The following SPAG16 variants were observed in gnomAD, a reference collection of about 807,000 sequenced individuals.
SPAG16 encodes the protein sperm associated antigen 16.
SPAG16 carries 86 observed loss-of-function variants against 80.4 expected under a neutral mutation model. The observed-to-expected ratio is 1.07, with a 90% CI of 0.90 to 1.28. The LOEUF (loss-of-function observed/expected upper bound fraction) is 1.28, where lower values mean the gene tolerates loss of function less well. Ranked by LOEUF, SPAG16 falls within the 50% of genes most tolerant of loss-of-function variation. The pLI, the probability that SPAG16 is intolerant of heterozygous loss-of-function variation, is 0.00. For synonymous variants in SPAG16, 294 were observed against 265.9 expected, an observed-to-expected ratio of 1.11 and a Z score of -1.03; for missense variants, 870 against 765.3, an observed-to-expected ratio of 1.14 and a Z score of -1.61.
chr2:213,852,329 A>G (rs952692141), intron 10 of SPAG16, among the ~76,000 whole-genome samples: 13 of 152,198 alleles, frequency 8.5e-5, no homozygotes, highest in African/African-American at 3.1e-4. Flanking sequence ...CAGAGCAGCT[A>G]CAGATATCTT....
At chr2:213,431,898 GT>G (rs111812933) in intron 9 of SPAG16, among the ~76,000 whole-genome samples, 3,538 of 152,096 alleles carry the variant, frequency 0.023, 56 homozygotes, top group South Asian at 0.038. Flanking sequence ...TTTATCAAGT[GT>G]CTTCTCTAAC....
At chr2:214,403,914 G>T (rs925232435) in intron 15 of SPAG16, among the ~76,000 whole-genome samples, 6 of 152,158 alleles carry the variant, frequency 3.9e-5, no homozygotes, top group African/African-American at 1.4e-4. Flanking sequence ...GGCAGATCTT[G>T]TACTAGGAAT....
chr2:213,353,969 C>T (rs912943021), intron 7 of SPAG16, among the ~76,000 whole-genome samples: 3 of 152,100 alleles, frequency 2.0e-5, no homozygotes, highest in Non-Finnish European at 4.4e-5. Flanking sequence ...TTTACAAGTG[C>T]CATGTTGGTT....
At chr2:213,346,891 G>C (rs572921323) in intron 6 of SPAG16, among the ~76,000 whole-genome samples, 55 of 152,126 alleles carry the variant, frequency 3.6e-4, no homozygotes, top group African/African-American at 1.2e-3. Flanking sequence ...GGATGATGCT[G>C]GCCTCATAAA....
intron 14 of SPAG16, among the ~76,000 whole-genome samples, chr2:214,123,659 A>C (rs921922101): frequency 1.3e-5 from 2 of 152,074 alleles, no homozygotes; most frequent in Non-Finnish European, 2.9e-5. Flanking sequence ...AGTGCTACCT[A>C]TCAAGAATCA....
chr2:213,892,013 G>A (rs1226205249), intron 11 of SPAG16, among the ~76,000 whole-genome samples: 1 of 152,172 alleles, frequency 6.6e-6, no homozygotes, highest in East Asian at 1.9e-4. Context: ...GACAAAGGAT[G>A]GAGGTAGAAT....
At chr2:214,272,669 A>G (rs1175682905) in intron 15 of SPAG16, among the ~76,000 whole-genome samples, 1 of 152,046 alleles carries the variant, frequency 6.6e-6, no homozygotes, top group African/African-American at 2.4e-5. Context: ...TATGTGCCAC[A>G]TTTTCTTAAT....
At chr2:213,492,663 T>G (rs2074312635) in intron 10 of SPAG16, among the ~76,000 whole-genome samples, 1 of 150,240 alleles carries the variant, frequency 6.7e-6, no homozygotes, top group Admixed American at 6.7e-5. Context: ...ATTATATACT[T>G]TTTTAAGGAA....
At chr2:213,734,436 T>C (rs1211497902) in intron 10 of SPAG16, among the ~76,000 whole-genome samples, 1 of 152,208 alleles carries the variant, frequency 6.6e-6, no homozygotes, top group Non-Finnish European at 1.5e-5. Flanking sequence ...GAGCAAAGAT[T>C]AAGTATTTTT....
At chr2:213,948,607 C>T (rs901510623) in intron 12 of SPAG16, among the ~76,000 whole-genome samples, 2 of 152,120 alleles carry the variant, frequency 1.3e-5, no homozygotes, top group South Asian at 2.1e-4. Context: ...TGTTCTATGT[C>T]ATTAAGCATT....
At chr2:214,060,768 GGA>G (rs2050220724) in intron 13 of SPAG16, among the ~76,000 whole-genome samples, 1 of 151,832 alleles carries the variant, frequency 6.6e-6, no homozygotes, top group African/African-American at 2.4e-5. Context: ...ACAGAGAGTT[GGA>G]ATGCTACAAC....
chr2:213,428,064 T>G (rs1193397321), intron 9 of SPAG16, among the ~76,000 whole-genome samples: 1 of 152,126 alleles, frequency 6.6e-6, no homozygotes, highest in Non-Finnish European at 1.5e-5. Flanking sequence ...CCTCACCAAC[T>G]CTGAAGAAGC....
chr2:213,297,068 C>T lies in SPAG16; in HGVS notation c.184-194C>T, dbSNP rs920563430. ...CTAATCCTGAATTTATTAGAAGTGA[C>T]GTTTATTGACATTTACAAGGAAGTC... On this transcript the variant is annotated intron_variant, in intron 2 of 15. Coordinates refer to ENST00000331683, the MANE Select transcript of SPAG16 (RefSeq NM_024532.5). 33 of 1,420,996 alleles carry T rather than the reference C, an allele frequency of 2.3e-5. No homozygotes were observed. The Middle Eastern group carries it at 9.2e-4, about 40-fold the overall frequency. 88.0% of individuals were successfully genotyped at this position (1,420,996 alleles called of 1,614,324 possible).
At position 214,060,150 on chromosome 2, in the gene SPAG16, T is replaced by G. The variant is rs984729713; in HGVS notation, c.1527+46073T>G. Reference sequence around the variant, plus strand: ...CATCAGGGAGATTTGTAGATTTCAGTTGATTCTCCTTAGGAAAAAAATTTT... The same window carrying G: ...CATCAGGGAGATTTGTAGATTTCAGGTGATTCTCCTTAGGAAAAAAATTTT... On this transcript the variant is annotated intron_variant, in intron 13 of 15. Transcript: ENST00000331683. Among the ~76,000 whole-genome samples, 8 of 152,234 alleles carry G rather than the reference T, an allele frequency of 5.3e-5. No individual in the cohort carries two copies. The South Asian group carries it at 1.7e-3, about 32-fold the overall frequency.
intron 6 of SPAG16, among the ~76,000 whole-genome samples, chr2:213,342,946 A>G (rs556151224): frequency 6.6e-6 from 1 of 152,114 alleles, no homozygotes; most frequent in East Asian, 1.9e-4. Context: ...GGTGGCTTTC[A>G]GAGCTGAGGA....
At chr2:213,999,773 C>T (rs1047921836) in intron 12 of SPAG16, among the ~76,000 whole-genome samples, 2 of 152,296 alleles carry the variant, frequency 1.3e-5, no homozygotes, top group South Asian at 2.1e-4. Context: ...CTTGCATCAG[C>T]GTGACCTGGA....
chr2:213,324,663 A>G (rs2063767280), intron 5 of SPAG16, among the ~76,000 whole-genome samples: 1 of 152,088 alleles, frequency 6.6e-6, no homozygotes, highest in African/African-American at 2.4e-5. Context: ...CCATTTAGTT[A>G]TTTCCAACAG....
chr2:213,470,902 T>C (rs183833086), intron 9 of SPAG16, among the ~76,000 whole-genome samples: 3 of 152,348 alleles, frequency 2.0e-5, no homozygotes, highest in African/African-American at 7.2e-5. Flanking sequence ...CAAATTTCTT[T>C]GTCACCAATT....
At chr2:213,573,289 A>G (rs1576024824) in intron 10 of SPAG16, among the ~76,000 whole-genome samples, 1 of 152,210 alleles carries the variant, frequency 6.6e-6, no homozygotes, top group East Asian at 1.9e-4. Flanking sequence ...GATTCTAATC[A>G]CCTCAGATTT....
Sources: gnomAD v4.1 joint callset for allele counts (sites outside exome capture counted in the v4.1 genomes callset) on GRCh38, gnomAD v4.1.1 for gene constraint, MANE v1.5 for transcripts, NCBI Gene and HGNC (gene_info 2026-07-23, HGNC 2026-07-21) for gene names.